FUT9: variants seen among roughly 807,000 people sequenced by gnomAD.
FUT9 encodes the protein fucosyltransferase 9.
FUT9 carries 15 observed loss-of-function variants against 29.7 expected under a neutral mutation model. The ratio of observed to expected loss-of-function variants is 0.51; its 90% confidence interval spans 0.34 to 0.78. The LOEUF is 0.78. Among genes scored for constraint, FUT9 ranks in the 30% least tolerant of loss-of-function variants. The pLI is 0.01. For synonymous variants in FUT9, 169 were observed against 153.7 expected (o/e 1.10, Z -0.74); for missense variants, 319 against 425.4 (o/e 0.75, Z 2.20).
chr6:96,177,300 C>T (rs934871492), intron 2 of FUT9, among the ~76,000 whole-genome samples: 1 of 152,062 alleles, frequency 6.6e-6, no homozygotes, highest in Non-Finnish European at 1.5e-5. Flanking sequence ...ATCCTACCCA[C>T]CCCCAAGGTA....
At chr6:96,031,523 C>T (rs4365940) in intron 1 of FUT9, among the ~76,000 whole-genome samples, 42,268 of 151,172 alleles carry the variant, frequency 0.28, 6,016 homozygotes, top group African/African-American at 0.32. Flanking sequence ...CCCAAGATCA[C>T]GGCCCAGTGT....
intron 1 of FUT9, among the ~76,000 whole-genome samples, chr6:96,058,207 T>A (rs1770809226): frequency 6.6e-6 from 1 of 152,070 alleles, no homozygotes; most frequent in African/African-American, 2.4e-5. Flanking sequence ...ACTTTTCCCA[T>A]TCCCCAGAAG....
At chr6:96,111,046 T>A (rs542005309) in intron 1 of FUT9, among the ~76,000 whole-genome samples, 1 of 152,218 alleles carries the variant, frequency 6.6e-6, no homozygotes, top group South Asian at 2.1e-4. Flanking sequence ...AACATTGAGA[T>A]GAAAAGTAAA....
chr6:96,138,482 GC>G (rs1772401608), intron 2 of FUT9, among the ~76,000 whole-genome samples: 1 of 74,930 alleles, frequency 1.3e-5, no homozygotes, highest in South Asian at 1.0e-3. Context: ...TGTGTTCCTT[GC>G]TTTTTTTTTT....
At chr6:96,084,271 C>G (rs953300567) in intron 1 of FUT9, among the ~76,000 whole-genome samples, 8 of 152,000 alleles carry the variant, frequency 5.3e-5, no homozygotes, top group Admixed American at 4.6e-4. Context: ...AGAATTCCAT[C>G]AAAGAGAAGA....
chr6:96,067,310 A>G (rs983077701), intron 1 of FUT9, among the ~76,000 whole-genome samples: 3 of 151,990 alleles, frequency 2.0e-5, no homozygotes, highest in African/African-American at 7.2e-5. Flanking sequence ...GTTGAGGGGC[A>G]AGTGAAGAAT....
intron 2 of FUT9, among the ~76,000 whole-genome samples, chr6:96,152,266 C>G (rs769577478): frequency 2.6e-5 from 4 of 152,158 alleles, no homozygotes; most frequent in Non-Finnish European, 5.9e-5. Flanking sequence ...AAATCCAGCC[C>G]AGACATAATC....
intron 1 of FUT9, among the ~76,000 whole-genome samples, chr6:96,056,529 G>A (rs1770771252): frequency 6.6e-6 from 1 of 152,076 alleles, no homozygotes; most frequent in Non-Finnish European, 1.5e-5. Context: ...ATTCAGTCAG[G>A]GTATTAGTAG....
chr6:96,121,680 C>A (rs1014372444), intron 2 of FUT9, among the ~76,000 whole-genome samples: 1 of 152,022 alleles, frequency 6.6e-6, no homozygotes, highest in East Asian at 1.9e-4. Flanking sequence ...TTAATCTTCT[C>A]TTTTACTTTG....
intron 1 of FUT9, among the ~76,000 whole-genome samples, chr6:96,050,667 T>C (rs1197080508): frequency 1.3e-5 from 2 of 152,206 alleles, no homozygotes; most frequent in African/African-American, 4.8e-5. Context: ...TTAAGTAGCA[T>C]TGATCTCAGA....
At chr6:96,173,121 G>A (rs1042934144) in intron 2 of FUT9, among the ~76,000 whole-genome samples, 1 of 152,024 alleles carries the variant, frequency 6.6e-6, no homozygotes. Flanking sequence ...AGTCACAATG[G>A]CATTTTTCCA....
At chr6:96,077,032 C>T (rs1322156440) in intron 1 of FUT9, among the ~76,000 whole-genome samples, 1 of 152,076 alleles carries the variant, frequency 6.6e-6, no homozygotes, top group Non-Finnish European at 1.5e-5. Flanking sequence ...AGTAAAGGAA[C>T]ACTTCCATTC....
intron 1 of FUT9, among the ~76,000 whole-genome samples, chr6:96,044,738 C>T (rs1770528399): frequency 6.6e-6 from 1 of 152,008 alleles, no homozygotes; most frequent in Admixed American, 6.6e-5. Context: ...TTTATAAATA[C>T]TCTTTTTAAT....
intron 1 of FUT9, among the ~76,000 whole-genome samples, chr6:96,075,971 G>A (rs1454296729): frequency 6.6e-6 from 1 of 152,012 alleles, no homozygotes; most frequent in Non-Finnish European, 1.5e-5. Context: ...AAACATACCA[G>A]AAAGGATAGT....
At chr6:96,194,436 G>A (rs1465892578) in intron 2 of FUT9, among the ~76,000 whole-genome samples, 1 of 152,058 alleles carries the variant, frequency 6.6e-6, no homozygotes, top group Non-Finnish European at 1.5e-5. Flanking sequence ...AGCACTAGGT[G>A]GACCACTTAG....
At chr6:96,049,824 T>C (rs1770632717) in intron 1 of FUT9, among the ~76,000 whole-genome samples, 1 of 152,202 alleles carries the variant, frequency 6.6e-6, no homozygotes, top group Non-Finnish European at 1.5e-5. Flanking sequence ...AAGATGATAA[T>C]GAAAGGGTGA....
chr6:96,070,856 C>T (rs1271261823), intron 1 of FUT9, among the ~76,000 whole-genome samples: 2 of 152,012 alleles, frequency 1.3e-5, no homozygotes, highest in African/African-American at 2.4e-5. Flanking sequence ...AATCATTTTT[C>T]TCTTGGGATC....
intron 2 of FUT9, among the ~76,000 whole-genome samples, chr6:96,132,997 T>A (rs570633689): frequency 6.6e-4 from 101 of 152,140 alleles, no homozygotes; most frequent in African/African-American, 2.4e-3. Flanking sequence ...CATGGATATG[T>A]TCTTTAGTGG....
chr6:96,034,300 A>T (rs903379148), intron 1 of FUT9, among the ~76,000 whole-genome samples: 2 of 151,612 alleles, frequency 1.3e-5, no homozygotes, highest in African/African-American at 4.8e-5. Context: ...CTATTACTGA[A>T]AGATAATTGC....
Sources: gnomAD v4.1 joint callset for allele counts (sites outside exome capture counted in the v4.1 genomes callset) on GRCh38, gnomAD v4.1.1 for gene constraint, MANE v1.5 for transcripts, NCBI Gene and HGNC (gene_info 2026-07-23, HGNC 2026-07-21) for gene names.